Variants in SLFN12L observed in about 807,000 individuals in gnomAD.
SLFN12L encodes schlafen family member 12 like, also known as schlafen family member 12-like.
A neutral mutation model predicts 34.8 loss-of-function variants in SLFN12L; 34 were observed. The observed-to-expected ratio is 0.98, with a 90% CI of 0.74 to 1.30. The LOEUF (loss-of-function observed/expected upper bound fraction) is 1.30, where lower values mean the gene tolerates loss of function less well. Among genes scored for constraint, SLFN12L ranks in the 50% most tolerant of loss-of-function variants. SLFN12L has a pLI of 0.00. For missense variants in SLFN12L, 703 were observed against 696.2 expected (o/e 1.01, Z -0.11); for synonymous variants, 259 against 247.5 (o/e 1.05, Z -0.44).
At position 35,480,181 on chromosome 17, in the gene SLFN12L, C is replaced by T. The variant is rs781396920; in HGVS notation, c.101G>A (p.Arg34His). The change falls in exon 3 of 5, where the codon CGT becomes CAT. Residue 34 changes from arginine to histidine, a missense_variant. Coordinates refer to ENST00000628453, the MANE Select transcript of SLFN12L (RefSeq NM_001363830.2). The part of the protein sequence containing the change: ...LRNFIRKEFL[R>H]GNGLAAGKMN... ...TTTCCCAGCAGCTAAGCCATTTCCACGCAGAAATTCTTTTCTGTAAAATAG... is the reference window on the plus strand; with the variant it reads ...TTTCCCAGCAGCTAAGCCATTTCCATGCAGAAATTCTTTTCTGTAAAATAG... 11 of 1,583,514 alleles carry T rather than the reference C, an allele frequency of 6.9e-6. No homozygotes were observed. Among genetic ancestry groups the T allele is most frequent in the Admixed American group, 3.7e-5 (2 of 54,098 alleles).
Position 35,522,779 on chromosome 17 carries a change from C to T in SLFN12L, c.-415G>A. On this transcript the variant is annotated 5_prime_UTR_variant, in exon 2 of 5. It removes the in-frame stop codon of an upstream open reading frame in the 5' UTR. Coordinates refer to ENST00000628453, the MANE Select transcript of SLFN12L (RefSeq NM_001363830.2). Reference sequence around the variant, plus strand: ...CCCTGCCAGGGCTGTTCTATGCTATCAGCAGAGCATCACAGATGACTCCTG... The same window carrying T: ...CCCTGCCAGGGCTGTTCTATGCTATTAGCAGAGCATCACAGATGACTCCTG... The T allele has an allele frequency of 6.3e-7, 1 of 1,576,468 alleles. No homozygotes were observed. Among genetic ancestry groups the T allele is most frequent in the Non-Finnish European group, 8.7e-7 (1 of 1,148,956 alleles).
chr17:35,483,773 A>G lies in SLFN12L; in HGVS notation c.87-3578T>C, dbSNP rs574480478. 5.1e-4 allele frequency among the ~76,000 whole-genome samples: 77 copies of G among 152,320 alleles called. 1 individual carries two copies. The highest frequency in any genetic ancestry group is 1.8e-3 in the African/African-American group (73 of 41,568). On this transcript the variant is annotated intron_variant, in intron 2 of 4. Coordinates refer to ENST00000628453, the MANE Select transcript of SLFN12L (RefSeq NM_001363830.2). ...GAGACAGTTGAGAGTAAAGTCCATC[A>G]TAGGTAGTAATCACTACACTAGGAA...
chr17:35,476,786 CAAA>C (rs34696569), intron 4 of SLFN12L, among the ~76,000 whole-genome samples: 3 of 141,220 alleles, frequency 2.1e-5, no homozygotes, highest in African/African-American at 5.2e-5. Flanking sequence ...TTCTGTCTGC[CAAA>C]AAAAAAAAAA....
chr17:35,487,882 G>T, intron 2 of SLFN12L: 1 of 866,548 alleles, frequency 1.2e-6, no homozygotes, highest in Non-Finnish European at 1.9e-6. Context: ...CGCACGCGCT[G>T]TTATCGACTC....
chr17:35,476,511 AAG>A (rs1158199563), intron 4 of SLFN12L, among the ~76,000 whole-genome samples: 5 of 147,536 alleles, frequency 3.4e-5, no homozygotes, highest in African/African-American at 7.9e-5. Context: ...GGAAGGAAGG[AAG>A]GAAGGAAAGA....
chr17:35,467,266 G>C lies in SLFN12L; in HGVS notation c.*7657C>G, dbSNP rs552844635. On this transcript the variant is annotated 3_prime_UTR_variant, in exon 5 of 5. Coordinates refer to ENST00000628453, the MANE Select transcript of SLFN12L (RefSeq NM_001363830.2). ...GGAGCTAGGTGGAATATTACCGAAT[G>C]CTGGATGCCCTGGCCAACAAATGGC... 1.3e-5 allele frequency among the ~76,000 whole-genome samples: 2 copies of C among 152,242 alleles called. No homozygotes were observed. The highest frequency in any genetic ancestry group is 2.4e-5 in the African/African-American group (1 of 41,464).
rs1914809619 is a variant in SLFN12L at position 35,490,879 on chromosome 17, G to A, written c.87-10684C>T. 3.4e-6 allele frequency: 3 copies of A among 869,628 alleles called. No individual in the cohort carries two copies. In the Admixed American group the frequency reaches 5.1e-5, roughly 15 times the overall value. 53.9% of individuals were successfully genotyped at this position (869,628 alleles called of 1,614,324 possible). A position where few individuals can be genotyped will look rare whatever the true frequency, so the allele number is the denominator to read the frequency against. On this transcript the variant is annotated intron_variant, in intron 2 of 4. Transcript: ENST00000628453. ...CATTGAGGTTTACTTATGTCCAGAA[G>A]AGACTGAAACACAGTCCAATGACAA...
intron 2 of SLFN12L, among the ~76,000 whole-genome samples, chr17:35,506,507 A>G (rs1046068146): frequency 1.3e-5 from 2 of 152,206 alleles, no homozygotes; most frequent in Non-Finnish European, 2.9e-5. Flanking sequence ...AATGGGGAGC[A>G]TGTAACCCTA....
In SLFN12L at chr17:35,490,687, G is replaced by GATTC. The variant is rs202049581; in HGVS notation, c.87-10496_87-10493dup. 3.4e-3 allele frequency: 3,881 copies of GATTC among 1,152,490 alleles called. 94 individuals are homozygous for GATTC. The African/African-American group carries it at 0.05, about 15-fold the overall frequency. The allele number at this position is 1,152,490 out of a possible 1,614,324, so 71.4% of individuals were successfully genotyped here. On this transcript the variant is annotated intron_variant, in intron 2 of 4. Coordinates refer to ENST00000628453, the MANE Select transcript of SLFN12L (RefSeq NM_001363830.2). Reference sequence around the variant, plus strand: ...GCTGGACCTCAAACTATTAACCGAGGATTCAGATCGTCAAAGGTTAGCTTA... The same window carrying GATTC: ...GCTGGACCTCAAACTATTAACCGAGGATTCATTCAGATCGTCAAAGGTTAGCTTA...
In SLFN12L at chr17:35,475,401, C is replaced by T. The variant is rs777316634; in HGVS notation, c.1361G>A (p.Cys454Tyr). The T allele has an allele frequency of 1.1e-5, 17 of 1,614,152 alleles. No homozygotes were observed. The Middle Eastern group carries it at 1.2e-3, about 110-fold the overall frequency. Residue 454 changes from cysteine (C) to tyrosine (Y), a missense_variant, in exon 5 of 5, where the codon TGT (cysteine) becomes TAT (tyrosine). Transcript: ENST00000628453. ...SQHEGLKQLI[C>Y]EEMGSVNKGS... is the part of the protein sequence containing the mutation. ...CTTATTGACAGAGCCCATTTCTTCA[C>T]ATATTAATTGCTTAAGTCCTTCATG...
chr17:35,501,257 T>C (rs1425086016), intron 2 of SLFN12L, among the ~76,000 whole-genome samples: 2 of 152,166 alleles, frequency 1.3e-5, no homozygotes, highest in East Asian at 3.9e-4. Flanking sequence ...GAGCAGAGCA[T>C]GGCAGACCCC....
intron 4 of SLFN12L, 155 bp downstream of exon 4, chr17:35,477,920 A>C: frequency 1.8e-6 from 1 of 544,180 alleles, no homozygotes. Context: ...CTAAAGAAAT[A>C]GAATTTGACA....
At chr17:35,497,116 C>T (rs893826996) in intron 2 of SLFN12L, among the ~76,000 whole-genome samples, 5 of 152,168 alleles carry the variant, frequency 3.3e-5, no homozygotes, top group Admixed American at 1.3e-4. Context: ...CTAGACCGAG[C>T]GCAGTGGCTC....
At chr17:35,486,633 G>T (rs930761014) in intron 2 of SLFN12L, among the ~76,000 whole-genome samples, 1 of 152,132 alleles carries the variant, frequency 6.6e-6, no homozygotes, top group Non-Finnish European at 1.5e-5. Flanking sequence ...GGACTGAGCC[G>T]ACCAAATCTC....
At chr17:35,528,255 T>C (rs1039559160) in intron 1 of SLFN12L, among the ~76,000 whole-genome samples, 2 of 152,102 alleles carry the variant, frequency 1.3e-5, no homozygotes, top group African/African-American at 4.8e-5. Context: ...GAATCAATAT[T>C]GTGAAAATGG....
intron 1 of SLFN12L, among the ~76,000 whole-genome samples, chr17:35,536,443 C>T (rs2072461991): frequency 6.6e-6 from 1 of 152,094 alleles, no homozygotes; most frequent in South Asian, 2.1e-4. Flanking sequence ...ATATCTAAAT[C>T]CAACTAGATC....
chr17:35,488,778 G>A (rs1914712907), intron 2 of SLFN12L, among the ~76,000 whole-genome samples: 1 of 152,136 alleles, frequency 6.6e-6, no homozygotes, highest in South Asian at 2.1e-4. Flanking sequence ...TGCATTGAAA[G>A]TATATAGCTG....
chr17:35,517,756 C>T (rs1364428715), intron 2 of SLFN12L, among the ~76,000 whole-genome samples: 1 of 152,170 alleles, frequency 6.6e-6, no homozygotes, highest in Non-Finnish European at 1.5e-5. Flanking sequence ...ACATCTACAA[C>T]CATCTGATCT....
intron 2 of SLFN12L, among the ~76,000 whole-genome samples, chr17:35,502,613 C>T (rs577502218): frequency 2.4e-4 from 36 of 151,018 alleles, no homozygotes; most frequent in Non-Finnish European, 4.1e-4. Context: ...AAAAAAAAGC[C>T]ATCTATACCA....
Sources: allele counts gnomAD v4.1 joint callset (sites outside exome capture counted in the v4.1 genomes callset), GRCh38; gene constraint gnomAD v4.1.1; transcripts MANE v1.5; gene names NCBI Gene and HGNC (gene_info 2026-07-23, HGNC 2026-07-21).